SLC9A8: variants seen among roughly 807,000 people sequenced by gnomAD.
The protein encoded by SLC9A8 is sodium/hydrogen exchanger 8.
SLC9A8 carries 48 observed loss-of-function variants against 66.6 expected under a neutral mutation model. That is an observed-to-expected ratio of 0.72 (90% confidence interval 0.57 to 0.92). The LOEUF is 0.92. SLC9A8 is among the 40% of genes least tolerant of loss of function. The pLI is 0.00. For missense variants in SLC9A8, 599 were observed against 747.3 expected (o/e 0.80, Z 2.31); for synonymous variants, 274 against 282.6 (o/e 0.97, Z 0.31).
chr20:49,874,743 C>T lies in SLC9A8; in HGVS notation c.997C>T (p.His333Tyr). ...AILFSGIVMS[H>Y]YTHHNLSPVT... ...CCTTTTCTCAGGCATCGTGATGTCC[C>T]ACTACACGCACCATAACCTCTCCCC... Residue 333 changes from histidine (H) to tyrosine (Y), a missense_variant, in exon 11 of 16, where the codon CAC (histidine) becomes TAC (tyrosine). Around this residue, in one of 2 missense-constraint regions of SLC9A8, gnomAD observed 467 missense variants for 626.5 expected, o/e 0.75. Coordinates refer to ENST00000361573, the MANE Select transcript of SLC9A8 (RefSeq NM_015266.3). 6.2e-7 allele frequency: 1 copy of T among 1,613,484 alleles called. No individual in the cohort carries two copies. The highest frequency in any genetic ancestry group is 8.5e-7 in the Non-Finnish European group (1 of 1,179,412).
At chr20:49,884,947 C>T (rs2089836008) in intron 14 of SLC9A8, among the ~76,000 whole-genome samples, 1 of 152,228 alleles carries the variant, frequency 6.6e-6, no homozygotes, top group African/African-American at 2.4e-5. Context: ...CTTTCTAGTT[C>T]CCGTATTCTA....
At chr20:49,820,259 C>T (rs559565161) in intron 2 of SLC9A8, among the ~76,000 whole-genome samples, 5 of 152,110 alleles carry the variant, frequency 3.3e-5, no homozygotes, top group South Asian at 2.1e-4. Context: ...GAGGCTGAGG[C>T]GGGAAGATCA....
chr20:49,856,561 C>A (rs1373052323), intron 8 of SLC9A8, among the ~76,000 whole-genome samples: 1 of 152,188 alleles, frequency 6.6e-6, no homozygotes, highest in Non-Finnish European at 1.5e-5. Context: ...GTGGCTCAGT[C>A]CTGTAATCCC....
chr20:49,883,015 AC>A (rs986605821), intron 13 of SLC9A8, among the ~76,000 whole-genome samples: 5 of 55,496 alleles, frequency 9.0e-5, no homozygotes, highest in Admixed American at 3.4e-4. Flanking sequence ...CCCACCCCCC[AC>A]CCCCCTCCCC....
chr20:49,867,807 C>G (rs2089036231), intron 10 of SLC9A8, among the ~76,000 whole-genome samples: 1 of 152,322 alleles, frequency 6.6e-6, no homozygotes, highest in South Asian at 2.1e-4. Context: ...GGACAGTGTT[C>G]TGTGTAGCAG....
intron 3 of SLC9A8, among the ~76,000 whole-genome samples, chr20:49,823,682 C>T (rs1356855233): frequency 1.3e-5 from 2 of 151,934 alleles, no homozygotes; most frequent in African/African-American, 4.8e-5. Context: ...GTGAATGAAC[C>T]CGTGTAATAA....
intron 2 of SLC9A8, among the ~76,000 whole-genome samples, chr20:49,817,623 T>G (rs2086601625): frequency 6.6e-6 from 1 of 152,082 alleles, no homozygotes; most frequent in Admixed American, 6.6e-5. Flanking sequence ...TGAGACTCTG[T>G]CTCCACAAAA....
intron 2 of SLC9A8, among the ~76,000 whole-genome samples, chr20:49,821,001 T>G (rs1393137583): frequency 6.6e-6 from 1 of 152,226 alleles, no homozygotes; most frequent in Admixed American, 6.5e-5. Context: ...GCTGTTGAGT[T>G]TAAGAGTTCT....
At chr20:49,861,349 G>A (rs1349078885) in intron 8 of SLC9A8, among the ~76,000 whole-genome samples, 5 of 152,154 alleles carry the variant, frequency 3.3e-5, no homozygotes, top group Non-Finnish European at 7.4e-5. Context: ...TTCGAGACCA[G>A]CCTGGGCAAT....
chr20:49,884,244 C>CACACA, intron 14 of SLC9A8, 178 bp downstream of exon 14: 1 of 98,324 alleles, frequency 1.0e-5, no homozygotes, highest in South Asian at 1.1e-4. Flanking sequence ...ACACACACGA[C>CACACA]ACACACACAC....
At chr20:49,862,560 A>C (rs995836438) in intron 8 of SLC9A8, among the ~76,000 whole-genome samples, 1 of 152,094 alleles carries the variant, frequency 6.6e-6, no homozygotes, top group Admixed American at 6.5e-5. Flanking sequence ...CACGCCCGGC[A>C]TCAGCCCACA....
At position 49,889,155 on chromosome 20, in the gene SLC9A8, T is replaced by G. The variant is rs2089987192; in HGVS notation, c.*1219T>G. Reference sequence around the variant, plus strand: ...TCCAGATGGAATGACTCCCATCCTCTCCTCATCTCCCCTTTGACGAGCCTC... The same window carrying G: ...TCCAGATGGAATGACTCCCATCCTCGCCTCATCTCCCCTTTGACGAGCCTC... On this transcript the variant is annotated 3_prime_UTR_variant, in exon 16 of 16. Coordinates refer to ENST00000361573, the MANE Select transcript of SLC9A8 (RefSeq NM_015266.3). The G allele has an allele frequency of 6.6e-6, 1 of 152,244 alleles. No individual in the cohort carries two copies. The highest frequency in any genetic ancestry group is 1.5e-5 in the Non-Finnish European group (1 of 68,076). The allele number at this position is 152,244 out of a possible 1,614,324, so 9.4% of individuals were successfully genotyped here. A position where few individuals can be genotyped will look rare whatever the true frequency, so the allele number is the denominator to read the frequency against.
intron 10 of SLC9A8, among the ~76,000 whole-genome samples, chr20:49,868,942 A>G (rs2089084518): frequency 6.6e-6 from 1 of 152,248 alleles, no homozygotes; most frequent in Admixed American, 6.5e-5. Context: ...CTCCCTAATT[A>G]TAACTCAGCA....
intron 10 of SLC9A8, among the ~76,000 whole-genome samples, chr20:49,872,448 A>AT (rs748123636): frequency 1.1e-5 from 1 of 94,626 alleles, no homozygotes; most frequent in Non-Finnish European, 2.0e-5. Context: ...CAGTGCTGTG[A>AT]TTTTCACCCT....
Position 49,888,021 on chromosome 20 carries a change from C to G in SLC9A8, c.*85C>G. 5 of 1,051,046 alleles carry G rather than the reference C, an allele frequency of 4.8e-6. No individual in the cohort carries two copies. Among genetic ancestry groups the G allele is most frequent in the Non-Finnish European group, 7.3e-6 (5 of 682,104 alleles). The allele number at this position is 1,051,046 out of a possible 1,614,324, so 65.1% of individuals were successfully genotyped here. On this transcript the variant is annotated 3_prime_UTR_variant, in exon 16 of 16. Transcript: ENST00000361573. ...ACTCAGCAGGGGCCTCGCAGAGATGCGTGCATCCAGCAGCCCCTTCAAGAC... is the reference window on the plus strand; with the variant it reads ...ACTCAGCAGGGGCCTCGCAGAGATGGGTGCATCCAGCAGCCCCTTCAAGAC...
At chr20:49,831,170 T>C (rs1378791875) in intron 3 of SLC9A8, 1 of 468,284 alleles carries the variant, frequency 2.1e-6, no homozygotes, top group Non-Finnish European at 3.9e-6. Flanking sequence ...GGGACTTTGC[T>C]CTGGACCAGC....
chr20:49,852,501 C>A (rs144463743), intron 7 of SLC9A8, among the ~76,000 whole-genome samples: 1 of 152,258 alleles, frequency 6.6e-6, no homozygotes, highest in African/African-American at 2.4e-5. Context: ...CTAGTGATAT[C>A]TTGTTGGAGA....
At chr20:49,845,211 C>A in intron 5 of SLC9A8, 92 bp downstream of exon 5, 1 of 844,186 alleles carries the variant, frequency 1.2e-6, no homozygotes, top group Non-Finnish European at 2.0e-6. Context: ...AATTTAGCAG[C>A]AGCAGCAGCA....
At chr20:49,831,328 C>T (rs528597900) in intron 3 of SLC9A8, among the ~76,000 whole-genome samples, 1 of 152,182 alleles carries the variant, frequency 6.6e-6, no homozygotes, top group Admixed American at 6.5e-5. Flanking sequence ...GCACTGGCCT[C>T]CACACGAGGA....
Sources: gnomAD v4.1 joint callset for allele counts (sites outside exome capture counted in the v4.1 genomes callset) on GRCh38, gnomAD v4.1.1 for gene constraint, gnomAD v4.1.1 regional missense constraint, MANE v1.5 for transcripts, NCBI Gene and HGNC (gene_info 2026-07-23, HGNC 2026-07-21) for gene names.